The following FAM13A variants were observed in gnomAD, a reference collection of about 807,000 sequenced individuals.
The protein encoded by FAM13A is protein FAM13A.
Under a neutral mutation model 129.6 loss-of-function variants are expected in FAM13A, and 76 were observed. The observed-to-expected ratio is 0.59, with a 90% CI of 0.49 to 0.71. The LOEUF is 0.71. Ranked by LOEUF, FAM13A falls within the 30% of genes least tolerant of loss-of-function variation. The probability of loss-of-function intolerance (pLI) is 0.00; values close to 1 mark genes in which losing one functional copy is unlikely to be tolerated. For missense variants in FAM13A, 1,108 were observed against 1,249.3 expected (o/e 0.89, Z 1.70); for synonymous variants, 443 against 449.9 (o/e 0.98, Z 0.20).
intron 1 of FAM13A, among the ~76,000 whole-genome samples, chr4:89,042,668 A>G (rs1261778656): frequency 2.0e-5 from 3 of 152,226 alleles, no homozygotes; most frequent in Non-Finnish European, 4.4e-5. Flanking sequence ...TCTGAAAAAT[A>G]AAGACCCAAC....
At chr4:88,998,371 T>G (rs1044185802) in intron 3 of FAM13A, among the ~76,000 whole-genome samples, 1 of 152,182 alleles carries the variant, frequency 6.6e-6, no homozygotes, top group African/African-American at 2.4e-5. Context: ...AGCTACAATT[T>G]AAATCCAAGT....
intron 1 of FAM13A, among the ~76,000 whole-genome samples, chr4:89,036,270 C>T (rs556981853): frequency 6.6e-6 from 1 of 152,248 alleles, no homozygotes; most frequent in African/African-American, 2.4e-5. Flanking sequence ...GTAAAGGTTA[C>T]TCTTGTTATG....
chr4:88,778,802 A>G (rs944055144), intron 11 of FAM13A, among the ~76,000 whole-genome samples: 4 of 152,126 alleles, frequency 2.6e-5, no homozygotes, highest in South Asian at 2.1e-4. Flanking sequence ...CCTGCTTTCC[A>G]TTCCCTCTTT....
intron 7 of FAM13A, among the ~76,000 whole-genome samples, chr4:88,823,959 C>T (rs188422536): frequency 1.7e-3 from 253 of 152,296 alleles, no homozygotes; most frequent in Non-Finnish European, 3.2e-3. Context: ...AGTTATTTTT[C>T]TCCATGAACA....
At chr4:88,826,939 G>A (rs1207896715) in intron 7 of FAM13A, among the ~76,000 whole-genome samples, 1 of 152,088 alleles carries the variant, frequency 6.6e-6, no homozygotes. Context: ...CTCAGTATTA[G>A]AAAGTGCTTC....
intron 5 of FAM13A, among the ~76,000 whole-genome samples, chr4:88,926,991 A>G (rs1232566791): frequency 2.0e-5 from 3 of 151,998 alleles, no homozygotes; most frequent in Admixed American, 1.3e-4. Context: ...ACCGACAGAC[A>G]CACACACACA....
At chr4:88,764,755 C>T (rs1207766040) in intron 13 of FAM13A, among the ~76,000 whole-genome samples, 2 of 152,106 alleles carry the variant, frequency 1.3e-5, no homozygotes, top group Non-Finnish European at 2.9e-5. Context: ...AAAATGTCAG[C>T]CTTTCTGAAC....
rs1477431526 is a variant in FAM13A at position 88,758,823 on chromosome 4, C to T, written c.1657G>A (p.Glu553Lys). Reference sequence around the variant, plus strand: ...GGCACTTCGGAGACAAAGCTCTCCTCCTGGTCACCGGCATCTTGATTTCTC... The same window carrying T: ...GGCACTTCGGAGACAAAGCTCTCCTTCTGGTCACCGGCATCTTGATTTCTC... ...QQRNQDAGDQ[E>K]ESFVSEVPQS... The change falls in exon 14 of 24, where the codon GAG (glutamate) becomes AAG (lysine). Residue 553 changes from glutamate (E) to lysine (K), a missense_variant. By Grantham distance (56) the Glu-to-Lys change is moderately conservative (BLOSUM62 1). Around this residue, in one of 3 missense-constraint regions of FAM13A, gnomAD observed 529 missense variants for 621.2 expected, o/e 0.85. Transcript: ENST00000264344. The T allele has an allele frequency of 1.2e-6, 2 of 1,614,022 alleles. No homozygotes were observed. The highest frequency in any genetic ancestry group is 4.5e-5 in the East Asian group (2 of 44,868).
chr4:89,003,355 A>C (rs1444449083), intron 3 of FAM13A, among the ~76,000 whole-genome samples: 2 of 151,960 alleles, frequency 1.3e-5, no homozygotes, highest in Non-Finnish European at 1.5e-5. Context: ...TCACACCTGT[A>C]ATCCCAGCAC....
intron 19 of FAM13A, among the ~76,000 whole-genome samples, chr4:88,740,473 T>C (rs186571743): frequency 1.6e-3 from 251 of 152,332 alleles, no homozygotes; most frequent in African/African-American, 5.7e-3. Context: ...CATAAATAGG[T>C]GTGCCTGATT....
intron 21 of FAM13A, among the ~76,000 whole-genome samples, chr4:88,737,080 T>G (rs1739142423): frequency 6.6e-6 from 1 of 152,228 alleles, no homozygotes; most frequent in Non-Finnish European, 1.5e-5. Context: ...CTTTTAAAGT[T>G]GGTCTAATGA....
chr4:88,815,081 G>A lies in FAM13A; in HGVS notation c.1008-10029C>T, dbSNP rs190665388. On this transcript the variant is annotated intron_variant, in intron 7 of 23. Coordinates refer to ENST00000264344, the MANE Select transcript of FAM13A (RefSeq NM_014883.4). The stretch of plus-strand genomic sequence containing the variant: ...TGGTCTCCAACTCCTGGTTTCCAGC[G>A]ATCCTCCTGCCTCTGCCTACCAAAG... 1.4e-4 allele frequency among the ~76,000 whole-genome samples: 22 copies of A among 152,120 alleles called. No individual in the cohort carries two copies. The East Asian group carries it at 2.3e-3, about 16-fold the overall frequency.
At chr4:88,815,296 C>T (rs1022804486) in intron 7 of FAM13A, among the ~76,000 whole-genome samples, 4 of 152,076 alleles carry the variant, frequency 2.6e-5, no homozygotes, top group Admixed American at 1.3e-4. Flanking sequence ...GAGCAACTTC[C>T]GAGGCTTCTC....
intron 6 of FAM13A, among the ~76,000 whole-genome samples, chr4:88,893,531 G>C (rs906594380): frequency 6.6e-6 from 1 of 152,072 alleles, no homozygotes. Flanking sequence ...GTTGAGACAG[G>C]AGAATGGCGT....
intron 1 of FAM13A, 22 bp from the exon 2 acceptor site, chr4:89,029,671 AG>A: frequency 6.4e-7 from 1 of 1,569,320 alleles, no homozygotes; most frequent in Non-Finnish European, 8.6e-7. Flanking sequence ...GTAAGAAAAA[AG>A]AGCAGTCAGT....
intron 4 of FAM13A, among the ~76,000 whole-genome samples, chr4:88,943,903 T>TC (rs1349630231): frequency 6.6e-6 from 1 of 152,220 alleles, no homozygotes; most frequent in African/African-American, 2.4e-5. Context: ...CACATTTTTT[T>TC]TCTCTCTCTT....
intron 4 of FAM13A, among the ~76,000 whole-genome samples, chr4:88,940,549 A>T (rs1248017980): frequency 6.6e-6 from 1 of 152,348 alleles, no homozygotes; most frequent in Non-Finnish European, 1.5e-5. Flanking sequence ...GATTTTAAAA[A>T]TTTTCAGACT....
At position 88,842,793 on chromosome 4, in the gene FAM13A, A is replaced by G. The variant is rs1395122076; in HGVS notation, c.1007+8227T>C. 3.3e-5 allele frequency among the ~76,000 whole-genome samples: 5 copies of G among 152,340 alleles called. No homozygotes were observed. In the East Asian group the frequency reaches 9.6e-4, roughly 29 times the overall value. On this transcript the variant is annotated intron_variant, in intron 7 of 23. Coordinates refer to ENST00000264344, the MANE Select transcript of FAM13A (RefSeq NM_014883.4). ...TTATCTACCATTTCATCAACTACTC[A>G]TACTGTAAACAGAATTAGAAAAAAA...
At chr4:89,009,440 A>G (rs1765460264) in intron 3 of FAM13A, among the ~76,000 whole-genome samples, 1 of 152,178 alleles carries the variant, frequency 6.6e-6, no homozygotes. Flanking sequence ...AAATTGCTAT[A>G]ATGTATGTGC....
Sources: gnomAD v4.1 joint callset for allele counts (sites outside exome capture counted in the v4.1 genomes callset) on GRCh38, gnomAD v4.1.1 for gene constraint, gnomAD v4.1.1 regional missense constraint, MANE v1.5 for transcripts, NCBI Gene and HGNC (gene_info 2026-07-23, HGNC 2026-07-21) for gene names.